CIRSR: variants seen among roughly 807,000 people sequenced by gnomAD.
The protein encoded by CIRSR is corepressor of RBPJ and splicing regulator.
the CIRSR span, among the ~76,000 whole-genome samples, chr2:174,351,130 G>A: frequency 6.6e-6 from 1 of 152,140 alleles, no homozygotes; most frequent in Non-Finnish European, 1.5e-5. Context: ...TTACAGGAAT[G>A]TCAAAATATC....
At chr2:174,376,409 T>C in the CIRSR span, among the ~76,000 whole-genome samples, 1 of 152,206 alleles carries the variant, frequency 6.6e-6, no homozygotes, top group African/African-American at 2.4e-5. Flanking sequence ...TACTAAGGAA[T>C]AGTACCACAG....
chr2:174,351,084 T>C, the CIRSR span, among the ~76,000 whole-genome samples: 1 of 152,190 alleles, frequency 6.6e-6, no homozygotes, highest in Admixed American at 6.5e-5. Context: ...ACTTTATTTT[T>C]AATTTAATGA....
the CIRSR span, among the ~76,000 whole-genome samples, chr2:174,375,233 T>G: frequency 6.6e-6 from 1 of 152,230 alleles, no homozygotes; most frequent in Non-Finnish European, 1.5e-5. Flanking sequence ...AAGGTATGCA[T>G]GTTTTTCAGG....
the CIRSR span, among the ~76,000 whole-genome samples, chr2:174,353,306 C>T: frequency 4.6e-5 from 7 of 152,040 alleles, no homozygotes; most frequent in African/African-American, 1.7e-4. Flanking sequence ...TAATTTTTTT[C>T]TTCTATACAA....
chr2:174,357,509 T>C, the CIRSR span, among the ~76,000 whole-genome samples: 1 of 152,206 alleles, frequency 6.6e-6, no homozygotes, highest in South Asian at 2.1e-4. Flanking sequence ...ACCATAAAAG[T>C]TGTTTTAAAA....
chr2:174,395,605 G>A, the CIRSR span: 2 of 1,614,222 alleles, frequency 1.2e-6, no homozygotes, highest in Non-Finnish European at 1.7e-6. Context: ...ACATGAAGTT[G>A]GCGAAGGATT....
chr2:174,352,495 T>TC, the CIRSR span, among the ~76,000 whole-genome samples: 1 of 152,168 alleles, frequency 6.6e-6, no homozygotes, highest in East Asian at 1.9e-4. Flanking sequence ...ATGCGTGTAA[T>TC]CCCAGCATTT....
chr2:174,370,161 C>A, the CIRSR span: 1 of 1,002,672 alleles, frequency 1.0e-6, no homozygotes, highest in Non-Finnish European at 1.4e-6. Flanking sequence ...TGAAGGAGAG[C>A]TAGCACTCCC....
At chr2:174,364,011 T>C in the CIRSR span, among the ~76,000 whole-genome samples, 1 of 152,232 alleles carries the variant, frequency 6.6e-6, no homozygotes, top group African/African-American at 2.4e-5. Flanking sequence ...AAGTCCACAG[T>C]CCAAAGTTCC....
chr2:174,384,692 C>T, the CIRSR span, among the ~76,000 whole-genome samples: 3 of 151,132 alleles, frequency 2.0e-5, no homozygotes, highest in African/African-American at 2.4e-5. Flanking sequence ...GTTGGGATTA[C>T]AGGCATAAGC....
the CIRSR span, among the ~76,000 whole-genome samples, chr2:174,377,459 C>G: frequency 6.6e-6 from 1 of 152,214 alleles, no homozygotes; most frequent in Non-Finnish European, 1.5e-5. Context: ...GTTGTGTCAC[C>G]TGACAATACT....
the CIRSR span, among the ~76,000 whole-genome samples, chr2:174,386,962 A>T: frequency 6.6e-6 from 1 of 152,184 alleles, no homozygotes; most frequent in Non-Finnish European, 1.5e-5. Context: ...CTATAATACC[A>T]CTTATTGCCA....
the CIRSR span, chr2:174,378,754 G>T: frequency 1.5e-6 from 1 of 645,962 alleles, no homozygotes. Context: ...CAACATATAT[G>T]ATCAGAGTTT....
chr2:174,366,935 G>A, the CIRSR span, among the ~76,000 whole-genome samples: 15 of 152,034 alleles, frequency 9.9e-5, no homozygotes, highest in Non-Finnish European at 1.8e-4. Flanking sequence ...TAGGGCAATC[G>A]CTAAAAAAAT....
the CIRSR span, among the ~76,000 whole-genome samples, chr2:174,361,450 ATAT>A: frequency 1.3e-5 from 2 of 152,232 alleles, no homozygotes; most frequent in Non-Finnish European, 2.9e-5. Context: ...TTCCTAGCAA[ATAT>A]TATGATCAGA....
chr2:174,354,439 TA>T, the CIRSR span, among the ~76,000 whole-genome samples: 1 of 43,498 alleles, frequency 2.3e-5, no homozygotes, highest in African/African-American at 7.2e-5. Flanking sequence ...ATGATATATA[TA>T]ATATATTATA....
the CIRSR span, among the ~76,000 whole-genome samples, chr2:174,387,999 A>G: frequency 4.6e-5 from 7 of 152,228 alleles, no homozygotes; most frequent in African/African-American, 1.7e-4. Context: ...GAGCTAAAAA[A>G]AAGAAAAGGG....
the CIRSR span, among the ~76,000 whole-genome samples, chr2:174,363,635 G>A: frequency 6.6e-6 from 1 of 152,190 alleles, no homozygotes; most frequent in Non-Finnish European, 1.5e-5. Context: ...GTTCCACGTG[G>A]CTGGGGAAGC....
the CIRSR span, chr2:174,378,824 C>T: frequency 1.1e-6 from 1 of 919,218 alleles, no homozygotes; most frequent in Non-Finnish European, 1.8e-6. Flanking sequence ...GCCCCACACA[C>T]AAACCCAAAT....
Sources: allele counts gnomAD v4.1 joint callset (sites outside exome capture counted in the v4.1 genomes callset), GRCh38; gene constraint gnomAD v4.1.1; transcripts MANE v1.5; gene names NCBI Gene and HGNC (gene_info 2026-07-23, HGNC 2026-07-21).